The following RFX2 variants were observed in gnomAD, a reference collection of about 807,000 sequenced individuals.
RFX2 encodes the protein DNA-binding protein RFX2.
RFX2 carries 20 observed loss-of-function variants against 87.8 expected under a neutral mutation model. The ratio of observed to expected loss-of-function variants is 0.23; its 90% CI spans 0.16 to 0.33. The LOEUF is 0.33. Among genes scored for constraint, RFX2 ranks in the 10% least tolerant of loss-of-function variants. RFX2 has a pLI of 1.00. For missense variants in RFX2, 767 were observed against 1,012.3 expected (o/e 0.76, Z 3.29); for synonymous variants, 397 against 431.3 (o/e 0.92, Z 0.98).
rs2086506271 is a variant in RFX2, at chr19:6,002,589, G to A, written c.1650+132C>T. The A allele has an allele frequency of 8.1e-6, 9 of 1,117,528 alleles. 1 individual carries two copies. Among genetic ancestry groups the A allele is most frequent in the Middle Eastern group, 3.0e-4 (1 of 3,332 alleles). 69.2% of individuals were successfully genotyped at this position (1,117,528 alleles called of 1,614,324 possible). On this transcript the variant is annotated intron_variant, in intron 14 of 17. Coordinates refer to ENST00000303657, the MANE Select transcript of RFX2 (RefSeq NM_000635.4). This position sits in a 1 kb window ranked among gnomAD's most constrained non-coding sequence, Gnocchi z 6.7. ...GTGGGTGGGCTTTGGCCTGGGACCC[G>A]TGTCATGCAACAGAACCGTGGCCAG...
chr19:6,007,245 G>C lies in RFX2; in HGVS notation c.1248-79C>G. ...CAGCCACGGGAGCGAGCAGAGAGCC[G>C]GGCTGCGGGACTTTTGCCCAACAGT... On this transcript the variant is annotated intron_variant, in intron 11 of 17. Transcript: ENST00000303657. The surrounding 1 kb of genome is among the most constrained non-coding windows in gnomAD (Gnocchi z 8.2). 1 of 1,467,228 alleles carries C rather than the reference G, an allele frequency of 6.8e-7. No individual in the cohort carries two copies. The highest frequency in any genetic ancestry group is 9.3e-7 in the Non-Finnish European group (1 of 1,070,746). 90.9% of individuals were successfully genotyped at this position (1,467,228 alleles called of 1,614,324 possible).
intron 7 of RFX2, among the ~76,000 whole-genome samples, chr19:6,014,525 A>G (rs2086699479): frequency 6.6e-6 from 1 of 152,142 alleles, no homozygotes; most frequent in Non-Finnish European, 1.5e-5. Context: ...AGGCGTGAGC[A>G]ACCATGCCCG....
chr19:6,018,549 C>CTGCG (rs2086762262), intron 6 of RFX2, among the ~76,000 whole-genome samples: 1 of 152,188 alleles, frequency 6.6e-6, no homozygotes, highest in Admixed American at 6.5e-5. Context: ...TGCAGGTGAG[C>CTGCG]TGCGGGGCTG....
chr19:6,002,892 G>T lies in RFX2; in HGVS notation c.1501-22C>A. 6.3e-7 allele frequency: 1 copy of T among 1,593,850 alleles called. No homozygotes were observed. ...CCACCTGTAAGCCAGGGCTCGTGGT[G>T]AGCAGGGGTTCGCAGGGAGAGCCTG... On this transcript the variant is annotated intron_variant, in intron 13 of 17. Coordinates refer to ENST00000303657, the MANE Select transcript of RFX2 (RefSeq NM_000635.4). This position sits in a 1 kb window ranked among gnomAD's most constrained non-coding sequence, Gnocchi z 6.7.
rs374456727 is a variant in RFX2, at chr19:6,092,256, A to G, written c.-9+18137T>C. ...AGCAAGGAAGACATTCAAGAACAGG[A>G]TCTAGTGGCTGCACAACTGAGCTCC... On this transcript the variant is annotated intron_variant, in intron 1 of 17. Transcript: ENST00000303657. 3.0e-4 allele frequency among the ~76,000 whole-genome samples: 46 copies of G among 152,340 alleles called. 1 individual carries two copies. The East Asian group carries it at 8.1e-3, about 27-fold the overall frequency.
In RFX2 at chr19:6,004,511, T is replaced by C. The variant is rs1254247951; in HGVS notation, c.1403-213A>G. 6.6e-6 allele frequency among the ~76,000 whole-genome samples: 1 copy of C among 152,214 alleles called. No individual in the cohort carries two copies. Among genetic ancestry groups the C allele is most frequent in the Non-Finnish European group, 1.5e-5 (1 of 68,034 alleles). ...TCACCACCCACTGCCTATGCGGGTCTCACAGGGGCGATTCTGCCCCAGGGG... is the reference window on the plus strand; with the variant it reads ...TCACCACCCACTGCCTATGCGGGTCCCACAGGGGCGATTCTGCCCCAGGGG... On this transcript the variant is annotated intron_variant, in intron 12 of 17. Coordinates refer to ENST00000303657, the MANE Select transcript of RFX2 (RefSeq NM_000635.4). This position sits in a 1 kb window ranked among gnomAD's most constrained non-coding sequence, Gnocchi z 4.8.
In RFX2 at chr19:6,002,646, C is replaced by T; in HGVS notation, c.1650+75G>A. The T allele has an allele frequency of 6.4e-7, 1 of 1,570,230 alleles. No homozygotes were observed. Among genetic ancestry groups the T allele is most frequent in the Non-Finnish European group, 8.7e-7 (1 of 1,149,532 alleles). On this transcript the variant is annotated intron_variant, in intron 14 of 17. Coordinates refer to ENST00000303657, the MANE Select transcript of RFX2 (RefSeq NM_000635.4). The surrounding 1 kb of genome is among the most constrained non-coding windows in gnomAD (Gnocchi z 6.7). ...GGCAGGGGCCAGGTTGTGCCACGGGCTCCACTTGGTGGGTTTGCTGGTTTT... is the reference window on the plus strand; with the variant it reads ...GGCAGGGGCCAGGTTGTGCCACGGGTTCCACTTGGTGGGTTTGCTGGTTTT...
intron 1 of RFX2, among the ~76,000 whole-genome samples, chr19:6,059,231 C>T (rs1485123161): frequency 3.3e-5 from 5 of 152,232 alleles, no homozygotes; most frequent in East Asian, 1.9e-4. Flanking sequence ...CCTCCCACCT[C>T]GGCCTCCCAA....
intron 1 of RFX2, among the ~76,000 whole-genome samples, chr19:6,104,272 T>A (rs932867703): frequency 1.3e-5 from 2 of 152,148 alleles, no homozygotes; most frequent in Non-Finnish European, 1.5e-5. Flanking sequence ...ATTCTTAATT[T>A]AAAAAAAATT....
At chr19:6,079,704 G>A (rs773345634) in intron 1 of RFX2, among the ~76,000 whole-genome samples, 70 of 152,200 alleles carry the variant, frequency 4.6e-4, no homozygotes, top group Non-Finnish European at 8.7e-4. Context: ...TGGCCAACAT[G>A]GTGAAACTCC....
At position 5,993,858 on chromosome 19, in the gene RFX2, G is replaced by A. The variant is rs1287246502; in HGVS notation, c.*977C>T. 6.6e-6 allele frequency: 1 copy of A among 152,256 alleles called. No individual in the cohort carries two copies. The highest frequency in any genetic ancestry group is 6.5e-5 in the Admixed American group (1 of 15,286). 9.4% of individuals were successfully genotyped at this position (152,256 alleles called of 1,614,324 possible). A position where few individuals can be genotyped will look rare whatever the true frequency, so the allele number is the denominator to read the frequency against. ...TGGGGTGCTCCGGGATTAGTTCAGAGGGAGGTGTTCTGGAAGACTCCGTGG... is the reference window on the plus strand; with the variant it reads ...TGGGGTGCTCCGGGATTAGTTCAGAAGGAGGTGTTCTGGAAGACTCCGTGG... On this transcript the variant is annotated 3_prime_UTR_variant, in exon 18 of 18. Coordinates refer to ENST00000303657, the MANE Select transcript of RFX2 (RefSeq NM_000635.4).
intron 5 of RFX2, among the ~76,000 whole-genome samples, chr19:6,032,620 A>G (rs1005764009): frequency 2.0e-5 from 3 of 151,996 alleles, no homozygotes; most frequent in Non-Finnish European, 2.9e-5. Context: ...GTTCCTCCCA[A>G]CTCCCACTTG....
At chr19:6,052,701 T>C (rs529173795) in intron 1 of RFX2, among the ~76,000 whole-genome samples, 1 of 152,324 alleles carries the variant, frequency 6.6e-6, no homozygotes, top group African/African-American at 2.4e-5. Context: ...TGTATGCACT[T>C]TGACCACAGT....
Position 6,003,487 on chromosome 19 carries a change from C to T in RFX2, c.1501-617G>A, listed in dbSNP as rs935114161. Reference sequence around the variant, plus strand: ...TCACCCAAGAGCCCTTCAGGAAATGCTCATGATGGCTGGGTGAGGTGGCTC... The same window carrying T: ...TCACCCAAGAGCCCTTCAGGAAATGTTCATGATGGCTGGGTGAGGTGGCTC... On this transcript the variant is annotated intron_variant, in intron 13 of 17. Coordinates refer to ENST00000303657, the MANE Select transcript of RFX2 (RefSeq NM_000635.4). Among the ~76,000 whole-genome samples, 14 of 152,130 alleles carry T rather than the reference C, an allele frequency of 9.2e-5. No individual in the cohort carries two copies. The South Asian group carries it at 2.7e-3, about 29-fold the overall frequency.
chr19:6,087,186 C>T (rs926887194), intron 1 of RFX2, among the ~76,000 whole-genome samples: 4 of 152,064 alleles, frequency 2.6e-5, no homozygotes, highest in African/African-American at 7.2e-5. Flanking sequence ...CAGAGACAGA[C>T]TCATGATAGA....
intron 1 of RFX2, among the ~76,000 whole-genome samples, chr19:6,102,978 G>A (rs940628916): frequency 6.6e-6 from 1 of 151,992 alleles, no homozygotes; most frequent in Non-Finnish European, 1.5e-5. Flanking sequence ...TTTTTATTAT[G>A]AATTACCCAT....
At chr19:6,037,884 T>C (rs149211588) in intron 5 of RFX2, among the ~76,000 whole-genome samples, 1 of 152,102 alleles carries the variant, frequency 6.6e-6, no homozygotes, top group African/African-American at 2.4e-5. Context: ...TTGACAAAGG[T>C]GTTAAAGCAA....
chr19:6,035,843 G>A (rs368498468), intron 5 of RFX2, among the ~76,000 whole-genome samples: 1 of 141,592 alleles, frequency 7.1e-6, no homozygotes, highest in African/African-American at 2.9e-5. Context: ...CCCAGAGCTT[G>A]GTGGGGGGTG....
chr19:6,104,090 A>G (rs8108892), intron 1 of RFX2, among the ~76,000 whole-genome samples: 66,183 of 151,722 alleles, frequency 0.44, 17,275 homozygotes, highest in African/African-American at 0.74. Flanking sequence ...AAACGGTGGC[A>G]CCACAATTTA....
Sources: gnomAD v4.1 joint callset for allele counts (sites outside exome capture counted in the v4.1 genomes callset) on GRCh38, gnomAD v4.1.1 for gene constraint, Gnocchi (gnomAD v3.1) non-coding constraint, MANE v1.5 for transcripts, NCBI Gene and HGNC (gene_info 2026-07-23, HGNC 2026-07-21) for gene names.